Variants in SLIT3 observed in about 807,000 individuals in gnomAD.
The protein encoded by SLIT3 is slit guidance ligand 3.
A neutral mutation model predicts 184.0 loss-of-function variants in SLIT3; 68 were observed. The ratio of observed to expected loss-of-function variants is 0.37; its 90% CI spans 0.30 to 0.45. The LOEUF (loss-of-function observed/expected upper bound fraction) is 0.45. SLIT3 is among the 20% of genes least tolerant of loss of function. SLIT3 has a pLI of 1.00. For synonymous variants in SLIT3, 831 were observed against 828.6 expected (o/e 1.00, Z -0.05); for missense variants, 1,707 against 2,026.0 (o/e 0.84, Z 3.02).
chr5:168,763,866 T>C (rs944807021), intron 14 of SLIT3, among the ~76,000 whole-genome samples: 1 of 152,222 alleles, frequency 6.6e-6, no homozygotes, highest in Non-Finnish European at 1.5e-5. Flanking sequence ...TGGGGTGTCA[T>C]GAGCACCTGA....
chr5:168,864,559 C>T (rs898597261), intron 5 of SLIT3, among the ~76,000 whole-genome samples: 1 of 152,114 alleles, frequency 6.6e-6, no homozygotes, highest in African/African-American at 2.4e-5. Context: ...GTAGCTGTTG[C>T]CAGATTGCCT....
chr5:169,053,368 G>A (rs770537357), intron 4 of SLIT3, among the ~76,000 whole-genome samples: 35 of 152,196 alleles, frequency 2.3e-4, no homozygotes, highest in Admixed American at 4.6e-4. Flanking sequence ...AAACTTGGAG[G>A]AAGCTAACGT....
At chr5:169,252,039 A>T (rs1254361586) in intron 1 of SLIT3, among the ~76,000 whole-genome samples, 1 of 152,202 alleles carries the variant, frequency 6.6e-6, no homozygotes, top group Middle Eastern at 3.2e-3. Context: ...TGTATGACCC[A>T]TTCTATCCCA....
intron 33 of SLIT3, among the ~76,000 whole-genome samples, chr5:168,672,501 G>C (rs566638048): frequency 1.3e-5 from 2 of 152,210 alleles, no homozygotes; most frequent in East Asian, 1.9e-4. Flanking sequence ...TTAAAGACAA[G>C]GTCTCACTCT....
chr5:168,695,348 C>A (rs1443317936), intron 28 of SLIT3, among the ~76,000 whole-genome samples: 1 of 152,196 alleles, frequency 6.6e-6, no homozygotes, highest in Non-Finnish European at 1.5e-5. Flanking sequence ...AAAGGGGAAG[C>A]TCTGAGATCA....
intron 4 of SLIT3, among the ~76,000 whole-genome samples, chr5:169,014,185 C>A (rs769788783): frequency 2.0e-5 from 3 of 152,084 alleles, no homozygotes; most frequent in African/African-American, 7.2e-5. Context: ...ATGGAGTGAA[C>A]ATAATCTTTG....
At chr5:169,226,189 A>G (rs1481707420) in intron 3 of SLIT3, among the ~76,000 whole-genome samples, 1 of 152,004 alleles carries the variant, frequency 6.6e-6, no homozygotes. Flanking sequence ...GGCAGCAGGC[A>G]CTCTGGAGAC....
At position 168,795,565 on chromosome 5, in the gene SLIT3, T is replaced by A; in HGVS notation, c.949A>T (p.Asn317Tyr). The A allele has an allele frequency of 1.2e-6, 2 of 1,613,858 alleles. No individual in the cohort carries two copies. Among genetic ancestry groups the A allele is most frequent in the Non-Finnish European group, 1.7e-6 (2 of 1,179,740 alleles). Residue 317 changes from asparagine to tyrosine, a missense_variant, in exon 10 of 36, where the codon AAC (asparagine) becomes TAC (tyrosine). By Grantham distance (143) the Asn-to-Tyr change is moderately radical. Around this residue, in one of 3 missense-constraint regions of SLIT3, gnomAD observed 1,307 missense variants for 1,511.6 expected, o/e 0.86. Coordinates refer to ENST00000519560, the MANE Select transcript of SLIT3 (RefSeq NM_003062.4). ...CCTGCAGGGATGGCTTTGATGGAGT[T>A]CTGTTCTAGGCGTCTGGGAAACAGA... is the stretch of plus-strand genomic sequence containing the variant. ...EGIVEIRLEQ[N>Y]SIKAIPAGAF...
intron 4 of SLIT3, among the ~76,000 whole-genome samples, chr5:169,106,884 C>G (rs1300241488): frequency 2.0e-5 from 3 of 152,220 alleles, no homozygotes; most frequent in African/African-American, 7.2e-5. Context: ...GCTGGGGAGA[C>G]AGTAGTACCC....
chr5:169,156,864 G>A (rs1483982148), intron 4 of SLIT3, among the ~76,000 whole-genome samples: 2 of 152,222 alleles, frequency 1.3e-5, no homozygotes, highest in African/African-American at 4.8e-5. Flanking sequence ...AGGCAGGAGA[G>A]CAGAAGGCAG....
intron 33 of SLIT3, among the ~76,000 whole-genome samples, chr5:168,672,617 A>T (rs915529345): frequency 6.6e-6 from 1 of 152,128 alleles, no homozygotes; most frequent in African/African-American, 2.4e-5. Flanking sequence ...CTGGGACTAC[A>T]GGTGCTCACT....
At chr5:168,773,343 C>T (rs1426200451) in intron 13 of SLIT3, among the ~76,000 whole-genome samples, 1 of 152,166 alleles carries the variant, frequency 6.6e-6, no homozygotes, top group Non-Finnish European at 1.5e-5. Flanking sequence ...GCTGGCACGG[C>T]GCCTGGCATA....
Position 169,129,822 on chromosome 5 carries a change from T to G in SLIT3, c.413+63657A>C, listed in dbSNP as rs76023235. Among the ~76,000 whole-genome samples the G allele has an allele frequency of 3.4e-5, 5 of 146,364 alleles. No individual in the cohort carries two copies. The South Asian group carries it at 1.1e-3, about 32-fold the overall frequency. ...ATACAAATGCCAGTTTCTTTGGTGGTTTTTTTTGTTTGTTTGTTTGTTTGT... is the reference window on the plus strand; with the variant it reads ...ATACAAATGCCAGTTTCTTTGGTGGGTTTTTTTGTTTGTTTGTTTGTTTGT... On this transcript the variant is annotated intron_variant, in intron 4 of 35. Coordinates refer to ENST00000519560, the MANE Select transcript of SLIT3 (RefSeq NM_003062.4).
chr5:168,820,302 T>G (rs1279825793), intron 7 of SLIT3, among the ~76,000 whole-genome samples: 2 of 152,196 alleles, frequency 1.3e-5, no homozygotes, highest in Non-Finnish European at 2.9e-5. Flanking sequence ...CTTCTGCTTT[T>G]GTTCCTGATG....
rs770627203 is a variant in SLIT3, at chr5:168,700,653, G to A, written c.2871C>T (p.Asn957=). 5 of 1,614,174 alleles carry A rather than the reference G, an allele frequency of 3.1e-6. No individual in the cohort carries two copies. The South Asian group carries it at 4.4e-5, about 14-fold the overall frequency. The change falls in exon 27 of 36, where the codon AAC becomes AAT. Residue 957 remains asparagine (N), a synonymous_variant. Transcript: ENST00000519560. ...YKGKDCTVPI[N]TCIQNPCQHG... is the part of the protein sequence containing the mutation. ...GCTGACAGGGGTTCTGGATGCAGGT[G>A]TTGATGGGCACAGTGCAGTCCTTGC...
intron 4 of SLIT3, among the ~76,000 whole-genome samples, chr5:169,179,089 A>G (rs959409470): frequency 1.3e-5 from 2 of 152,160 alleles, no homozygotes; most frequent in African/African-American, 4.8e-5. Flanking sequence ...TTTGGAAAAC[A>G]TTAATATTTT....
chr5:168,806,215 G>GAACC (rs781201192), intron 9 of SLIT3, among the ~76,000 whole-genome samples: 1 of 152,186 alleles, frequency 6.6e-6, no homozygotes, highest in Non-Finnish European at 1.5e-5. Flanking sequence ...TAGGCAGTGG[G>GAACC]AACCCCTGGC....
intron 4 of SLIT3, among the ~76,000 whole-genome samples, chr5:168,944,126 A>G (rs1419304515): frequency 6.6e-6 from 1 of 152,196 alleles, no homozygotes; most frequent in Non-Finnish European, 1.5e-5. Context: ...GCCACATGTC[A>G]AAGTAATTGG....
chr5:168,735,661 TACACACACACACACACACAC>T (rs150528782), intron 20 of SLIT3, among the ~76,000 whole-genome samples: 190 of 142,174 alleles, frequency 1.3e-3, no homozygotes, highest in South Asian at 2.2e-3. Context: ...GACAGATAGA[TACACACACACACACACACAC>T]ACACACACAC....
Sources: gnomAD v4.1 joint callset for allele counts (sites outside exome capture counted in the v4.1 genomes callset) on GRCh38, gnomAD v4.1.1 for gene constraint, gnomAD v4.1.1 regional missense constraint, MANE v1.5 for transcripts, NCBI Gene and HGNC (gene_info 2026-07-23, HGNC 2026-07-21) for gene names.